Variants in GPR50 observed in about 807,000 individuals in gnomAD.
The protein encoded by GPR50 is melatonin-related receptor.
A neutral mutation model predicts 2.6 loss-of-function variants in GPR50; 1 was observed. That is an observed-to-expected ratio of 0.38 (90% confidence interval 0.13 to 1.79). The LOEUF (loss-of-function observed/expected upper bound fraction) is 1.79, where lower values mean the gene tolerates loss of function less well. Ranked by LOEUF, GPR50 falls within the 40% of genes most tolerant of loss-of-function variation. The probability of loss-of-function intolerance (pLI) is 0.33; values close to 1 mark genes in which losing one functional copy is unlikely to be tolerated. For synonymous variants in GPR50, 233 were observed against 202.3 expected, an observed-to-expected ratio of 1.15 and a Z score of -1.29; for missense variants, 535 against 522.1, an observed-to-expected ratio of 1.02 and a Z score of -0.24.
chrX:151,176,763 T>C lies in GPR50; in HGVS notation c.42T>C (p.Ile14=), dbSNP rs772236698. ...TLAVPTPYGC[I]GCKLPQPEYP... ...CGGTTCCCACCCCCTATGGCTGTAT[T>C]GGCTGTAAGCTACCCCAGCCAGAAT... Residue 14 remains isoleucine (I), a synonymous_variant, in exon 1 of 2, where the codon ATT becomes ATC. Coordinates refer to ENST00000218316, the MANE Select transcript of GPR50 (RefSeq NM_004224.3). 8.3e-7 allele frequency: 1 copy of C among 1,206,107 alleles called. No individual in the cohort carries two copies. The highest frequency in any genetic ancestry group is 1.8e-5 in the South Asian group (1 of 56,345).
Position 151,180,827 on chromosome X carries a change from C to G in GPR50, c.1244C>G (p.Ser415Cys), listed in dbSNP as rs201019474. 10 of 1,211,075 alleles carry G rather than the reference C, an allele frequency of 8.3e-6. No individual in the cohort carries two copies. The highest frequency in any genetic ancestry group is 1.1e-5 in the Non-Finnish European group (10 of 895,133). The change falls in exon 2 of 2, where the codon TCT (serine) becomes TGT (cysteine). Residue 415 changes from serine to cysteine, a missense_variant. Physicochemically the swap from Ser to Cys is moderately radical, Grantham distance 112. Transcript: ENST00000218316. ...GTCTTTAGCCACTCCAAGGCTGCCT[C>G]TGGTCACCTCAAGCCTGTCTCTGGC... ...KSVFSHSKAA[S>C]GHLKPVSGHS...
At position 151,181,063 on chromosome X, in the gene GPR50, G is replaced by A. The variant is rs2048711326; in HGVS notation, c.1480G>A (p.Ala494Thr). The A allele has an allele frequency of 8.3e-7, 1 of 1,207,859 alleles. No individual in the cohort carries two copies. The highest frequency in any genetic ancestry group is 1.8e-5 in the African/African-American group (1 of 56,515). ...AGSHSKSAFSAATSHPKPTTG... is the reference protein window; with the variant it reads ...AGSHSKSAFSTATSHPKPTTG... ...CAGCCACTCCAAGTCTGCCTTCAGT[G>A]CTGCCACCAGCCACCCTAAACCCAC... Residue 494 changes from alanine to threonine, a missense_variant, in exon 2 of 2, where the codon GCT becomes ACT. By Grantham distance (58) the Ala-to-Thr change is moderately conservative. Coordinates refer to ENST00000218316, the MANE Select transcript of GPR50 (RefSeq NM_004224.3).
chrX:151,176,977 G>A (rs1236936211), intron 1 of GPR50, 69 bp downstream of exon 1: 1 of 736,292 alleles, frequency 1.4e-6, no homozygotes, highest in African/African-American at 2.1e-5. Context: ...TAGTTTTTGA[G>A]CTCCCCGAAT....
At chrX:151,179,605 T>C (rs1311671835) in intron 1 of GPR50, among the ~76,000 whole-genome samples, 166 bp from the exon 2 acceptor site, 1 of 111,961 alleles carries the variant, frequency 8.9e-6, no homozygotes, top group Admixed American at 9.4e-5. Flanking sequence ...CTGTCTGTCT[T>C]ATGTTCGCTT....
Position 151,180,177 on chromosome X carries a change from C to T in GPR50, c.594C>T (p.Val198=). 8.3e-7 allele frequency: 1 copy of T among 1,206,087 alleles called. No individual in the cohort carries two copies. Among genetic ancestry groups the T allele is most frequent in the Non-Finnish European group, 1.1e-6 (1 of 895,166 alleles). The change falls in exon 2 of 2, where the codon GTC becomes GTT. Residue 198 remains valine (V), a synonymous_variant. Coordinates refer to ENST00000218316, the MANE Select transcript of GPR50 (RefSeq NM_004224.3). ...TTACCATCGTCTGCATCCACTTCGT[C>T]CTCCCTCTCCTCATCGTGGGTTTCT... is the stretch of plus-strand genomic sequence containing the variant. ...FTVTIVCIHF[V]LPLLIVGFCY... is the part of the protein sequence containing the mutation.
In GPR50 at chrX:151,179,811, G is replaced by A; in HGVS notation, c.228G>A (p.Leu76=). Residue 76 remains leucine (L), a synonymous_variant, in exon 2 of 2, where the codon CTG becomes CTA. Coordinates refer to ENST00000218316, the MANE Select transcript of GPR50 (RefSeq NM_004224.3). ...FVVSLSVADM[L]VAIYPYPLML... ...TCAGTCTCTCTGTGGCCGATATGCT[G>A]GTGGCCATCTACCCATACCCTTTGA... 8.4e-7 allele frequency: 1 copy of A among 1,194,731 alleles called. No individual in the cohort carries two copies. Among genetic ancestry groups the A allele is most frequent in the Non-Finnish European group, 1.1e-6 (1 of 884,585 alleles).
Position 151,176,848 on chromosome X carries a change from C to T in GPR50, c.127C>T (p.Leu43=). The change falls in exon 1 of 2, where the codon CTA becomes TTA. Residue 43 remains leucine (L), a synonymous_variant. Transcript: ENST00000218316. The part of the protein sequence containing the change: ...CAMVITIVVD[L]IGNSMVILAV... ...GATGGTTATCACCATCGTTGTAGAC[C>T]TAATCGGCAACTCCATGGTCATTTT... 8.3e-7 allele frequency: 1 copy of T among 1,206,468 alleles called. No individual in the cohort carries two copies.
intron 1 of GPR50, chrX:151,177,854 C>G (rs1458832647): frequency 9.0e-6 from 1 of 111,533 alleles, no homozygotes; most frequent in African/African-American, 3.3e-5. Flanking sequence ...TAGCCACTGC[C>G]GAGCGGGAGG....
At position 151,181,392 on chromosome X, in the gene GPR50, C is replaced by G. The variant is rs759844066; in HGVS notation, c.1809C>G (p.Val603=). The G allele has an allele frequency of 8.4e-7, 1 of 1,191,840 alleles. No homozygotes were observed. Among genetic ancestry groups the G allele is most frequent in the Non-Finnish European group, 1.1e-6 (1 of 884,319 alleles). Residue 603 remains valine (V), a synonymous_variant, in exon 2 of 2, where the codon GTC becomes GTG. Coordinates refer to ENST00000218316, the MANE Select transcript of GPR50 (RefSeq NM_004224.3). ...VTTSTNDYHD[V]VVIDVEDDPD... ...CCAGTACCAATGATTACCATGATGT[C>G]GTGGTTATTGATGTTGAAGATGATC...
At chrX:151,179,735 C>G in intron 1 of GPR50, 36 bp from the exon 2 acceptor site, 1 of 1,007,961 alleles carries the variant, frequency 9.9e-7, no homozygotes, top group Non-Finnish European at 1.4e-6. Context: ...TCTTCTCTGT[C>G]TTTCCCCTTT....
chrX:151,178,867 G>A (rs1222456367), intron 1 of GPR50, among the ~76,000 whole-genome samples: 1 of 112,179 alleles, frequency 8.9e-6, no homozygotes, highest in Non-Finnish European at 1.9e-5. Flanking sequence ...AGACCGGAGT[G>A]GGGGTGACCC....
Position 151,180,113 on chromosome X carries a change from C to T in GPR50, c.530C>T (p.Thr177Ile), listed in dbSNP as rs756727614. 6.6e-6 allele frequency: 8 copies of T among 1,206,753 alleles called. No individual in the cohort carries two copies. The African/African-American group carries it at 1.1e-4, about 16-fold the overall frequency. ...ATCGAGTACGATCCTCGCACCTACA[C>T]CTGCATCTTCAACTATCTGAACAAC... ...GTIEYDPRTY[T>I]CIFNYLNNPV... The change falls in exon 2 of 2, where the codon ACC (threonine) becomes ATC (isoleucine). Residue 177 changes from threonine (T) to isoleucine (I), a missense_variant. Thr to Ile is a moderately conservative substitution (Grantham distance 89). Transcript: ENST00000218316.
chrX:151,181,386 T>G lies in GPR50; in HGVS notation c.1803T>G (p.His601Gln), dbSNP rs866973433. The change falls in exon 2 of 2, where the codon CAT becomes CAG. Residue 601 changes from histidine (H) to glutamine (Q), a missense_variant. Physicochemically the swap from His to Gln is conservative, Grantham distance 24 (BLOSUM62 0). Coordinates refer to ENST00000218316, the MANE Select transcript of GPR50 (RefSeq NM_004224.3). ...TCACTACCAGTACCAATGATTACCATGATGTCGTGGTTATTGATGTTGAAG... is the reference window on the plus strand; with the variant it reads ...TCACTACCAGTACCAATGATTACCAGGATGTCGTGGTTATTGATGTTGAAG... ...TVVTTSTNDYHDVVVIDVEDD... is the reference protein window; with the variant it reads ...TVVTTSTNDYQDVVVIDVEDD... 8.4e-7 allele frequency: 1 copy of G among 1,194,200 alleles called. No homozygotes were observed. Among genetic ancestry groups the G allele is most frequent in the African/African-American group, 1.7e-5 (1 of 57,608 alleles).
At position 151,176,989 on chromosome X, in the gene GPR50, G is replaced by C. The variant is rs896807208; in HGVS notation, c.187+81G>C. 5 of 645,881 alleles carry C rather than the reference G, an allele frequency of 7.7e-6. No individual in the cohort carries two copies. The African/African-American group carries it at 8.9e-5, about 12-fold the overall frequency. 53.2% of individuals were successfully genotyped at this position (645,881 alleles called of 1,213,427 possible). On this transcript the variant is annotated intron_variant, in intron 1 of 1. Coordinates refer to ENST00000218316, the MANE Select transcript of GPR50 (RefSeq NM_004224.3). Reference sequence around the variant, plus strand: ...CGTTAGTTTTTGAGCTCCCCGAATAGAGAATCTATGGACAGTGCCCTCATA... The same window carrying C: ...CGTTAGTTTTTGAGCTCCCCGAATACAGAATCTATGGACAGTGCCCTCATA...
downstream of GPR50, chrX:151,181,513 C>A: frequency 3.0e-6 from 2 of 664,314 alleles, no homozygotes; most frequent in Non-Finnish European, 2.3e-6. Context: ...AGTGAGATGC[C>A]TTACTGCATC....
chrX:151,180,926 C>G lies in GPR50; in HGVS notation c.1343C>G (p.Ala448Gly), dbSNP rs377039209. ...AAGCCTGCCTCTGTCCATTTCAAGGCTGACTCTGTCCATTTCAAGGGTGAC... is the reference window on the plus strand; with the variant it reads ...AAGCCTGCCTCTGTCCATTTCAAGGGTGACTCTGTCCATTTCAAGGGTGAC... Reference protein sequence around the residue: ...YPKPASVHFKADSVHFKGDSV... With the variant: ...YPKPASVHFKGDSVHFKGDSV... Residue 448 changes from alanine (A) to glycine (G), a missense_variant, in exon 2 of 2, where the codon GCT becomes GGT. By Grantham distance (60) the Ala-to-Gly change is moderately conservative. Transcript: ENST00000218316. 1.7e-6 allele frequency: 2 copies of G among 1,208,866 alleles called. No individual in the cohort carries two copies. Among genetic ancestry groups the G allele is most frequent in the Admixed American group, 2.2e-5 (1 of 45,706 alleles).
chrX:151,180,640 C>T lies in GPR50; in HGVS notation c.1057C>T (p.His353Tyr), dbSNP rs762988621. ...CCAAGCTCGTGAACAAGACCGTGCC[C>T]ATGCCTGTCCTGCTGTGGAGGAAAC... ...RDQAREQDRAHACPAVEETPM... is the reference protein window; with the variant it reads ...RDQAREQDRAYACPAVEETPM... Residue 353 changes from histidine (H) to tyrosine (Y), a missense_variant, in exon 2 of 2, where the codon CAT becomes TAT. Coordinates refer to ENST00000218316, the MANE Select transcript of GPR50 (RefSeq NM_004224.3). The T allele has an allele frequency of 9.9e-6, 12 of 1,211,400 alleles. No individual in the cohort carries two copies. The highest frequency in any genetic ancestry group is 3.5e-5 in the African/African-American group (2 of 57,848).
In GPR50 at chrX:151,180,516, T is replaced by C; in HGVS notation, c.933T>C (p.Ala311=). ...FRREYWTIFH[A]MRHPIIFFSG... ...GAGAATACTGGACCATCTTCCATGCTATGCGGCACCCTATCATATTCTTCT... is the reference window on the plus strand; with the variant it reads ...GAGAATACTGGACCATCTTCCATGCCATGCGGCACCCTATCATATTCTTCT... The change falls in exon 2 of 2, where the codon GCT becomes GCC. Residue 311 remains alanine, a synonymous_variant. Coordinates refer to ENST00000218316, the MANE Select transcript of GPR50 (RefSeq NM_004224.3). 8.3e-7 allele frequency: 1 copy of C among 1,211,521 alleles called. No individual in the cohort carries two copies. Among genetic ancestry groups the C allele is most frequent in the Middle Eastern group, 2.3e-4 (1 of 4,354 alleles).
At position 151,179,745 on chromosome X, in the gene GPR50, T is replaced by C. The variant is rs536666212; in HGVS notation, c.188-26T>C. ...CTTATTCTTCTCTGTCTTTCCCCTT[T>C]CTCCCTCCCTCGATATGTTTTTCAG... On this transcript the variant is annotated intron_variant, in intron 1 of 1. Transcript: ENST00000218316. 110 of 1,060,649 alleles carry C rather than the reference T, an allele frequency of 1.0e-4. No individual in the cohort carries two copies. In the South Asian group the frequency reaches 2.2e-3, roughly 22 times the overall value. 87.4% of individuals were successfully genotyped at this position (1,060,649 alleles called of 1,213,427 possible). A position where few individuals can be genotyped will look rare whatever the true frequency, so the allele number is the denominator to read the frequency against.
Sources: allele counts gnomAD v4.1 joint callset (sites outside exome capture counted in the v4.1 genomes callset), GRCh38; gene constraint gnomAD v4.1.1; transcripts MANE v1.5; gene names NCBI Gene and HGNC (gene_info 2026-07-23, HGNC 2026-07-21).